The following ANKS1B variants were observed in gnomAD, a reference collection of about 807,000 sequenced individuals.
ANKS1B encodes the protein ankyrin repeat and sterile alpha motif domain-containing protein 1B.
A neutral mutation model predicts 148.3 loss-of-function variants in ANKS1B; 36 were observed. The ratio of observed to expected loss-of-function variants is 0.24; its 90% CI spans 0.19 to 0.32. The LOEUF is 0.32. ANKS1B is among the 10% of genes least tolerant of loss of function. The pLI is 1.00. For missense variants in ANKS1B, 1,157 were observed against 1,542.6 expected, an observed-to-expected ratio of 0.75 and a Z score of 4.19; for synonymous variants, 542 against 560.8, an observed-to-expected ratio of 0.97 and a Z score of 0.47.
At chr12:99,220,421 C>T (rs1028657783) in intron 14 of ANKS1B, among the ~76,000 whole-genome samples, 1 of 149,036 alleles carries the variant, frequency 6.7e-6, no homozygotes, top group Non-Finnish European at 1.5e-5. Flanking sequence ...TATAATTTGG[C>T]ATCAAGCATA....
At chr12:98,934,865 T>C (rs931205904) in intron 17 of ANKS1B, among the ~76,000 whole-genome samples, 1 of 147,246 alleles carries the variant, frequency 6.8e-6, no homozygotes, top group Admixed American at 6.8e-5. Context: ...GTTCTAACAG[T>C]TTTTTTTTTA....
At chr12:98,825,232 G>C (rs715324) in intron 19 of ANKS1B, among the ~76,000 whole-genome samples, 44,625 of 151,962 alleles carry the variant, frequency 0.29, 6,738 homozygotes, top group Non-Finnish European at 0.34. Flanking sequence ...GTATGGCTCA[G>C]CTTCTACTTC....
At chr12:99,377,102 G>A (rs1343420844) in intron 12 of ANKS1B, among the ~76,000 whole-genome samples, 1 of 151,790 alleles carries the variant, frequency 6.6e-6, no homozygotes, top group Non-Finnish European at 1.5e-5. Context: ...CCGCCTCCCA[G>A]GTTCAAGCGA....
chr12:98,795,772 A>G, intron 22 of ANKS1B: 1 of 391,114 alleles, frequency 2.6e-6, no homozygotes. Context: ...CAGTGTGGGT[A>G]GTGGAGTGGA....
chr12:98,879,394 C>G (rs983314812), intron 17 of ANKS1B, among the ~76,000 whole-genome samples: 1 of 152,206 alleles, frequency 6.6e-6, no homozygotes, highest in Admixed American at 6.5e-5. Context: ...AAAGCACACA[C>G]AGCTAATAAG....
intron 14 of ANKS1B, among the ~76,000 whole-genome samples, chr12:99,181,150 T>A: frequency 6.6e-6 from 1 of 152,210 alleles, no homozygotes. Flanking sequence ...AAACTTTGGT[T>A]AAATAAATTC....
chr12:98,739,161 G>A (rs1444154067), downstream of ANKS1B, among the ~76,000 whole-genome samples: 1 of 152,166 alleles, frequency 6.6e-6, no homozygotes. Flanking sequence ...TCTCCACTGG[G>A]TGACACTCCC....
Position 99,188,209 on chromosome 12 carries a change from C to T in ANKS1B, c.2420-33814G>A, listed in dbSNP as rs560072214. Among the ~76,000 whole-genome samples the T allele has an allele frequency of 3.9e-5, 6 of 152,206 alleles. 1 individual carries two copies. In the South Asian group the frequency reaches 8.3e-4, roughly 21 times the overall value. On this transcript the variant is annotated intron_variant, in intron 14 of 26. Coordinates refer to ENST00000683438, the MANE Select transcript of ANKS1B (RefSeq NM_001352186.2). ...GATTCATAAAGCAAGTTCTTAGAGACCTACAAAGAGACTTAGACTCCCACA... is the reference window on the plus strand; with the variant it reads ...GATTCATAAAGCAAGTTCTTAGAGATCTACAAAGAGACTTAGACTCCCACA...
intron 9 of ANKS1B, among the ~76,000 whole-genome samples, chr12:99,515,702 G>T (rs1288090939): frequency 6.6e-6 from 1 of 152,046 alleles, no homozygotes; most frequent in East Asian, 1.9e-4. Context: ...AACCAGCAAT[G>T]GGATTGCTGA....
chr12:99,630,778 G>A (rs2098150748), intron 9 of ANKS1B, among the ~76,000 whole-genome samples: 1 of 152,150 alleles, frequency 6.6e-6, no homozygotes, highest in Admixed American at 6.5e-5. Flanking sequence ...GTTGCCTTGG[G>A]ACTCTACAGC....
intron 25 of ANKS1B, among the ~76,000 whole-genome samples, chr12:98,757,779 G>A (rs962986793): frequency 1.3e-5 from 2 of 152,162 alleles, no homozygotes; most frequent in African/African-American, 4.8e-5. Flanking sequence ...TCCGACCTTG[G>A]CTCTTCCTGT....
intron 12 of ANKS1B, among the ~76,000 whole-genome samples, chr12:99,315,674 A>T (rs1027966993): frequency 3.3e-5 from 5 of 151,548 alleles, no homozygotes; most frequent in African/African-American, 1.2e-4. Context: ...CCACTATCTA[A>T]TTTTTTTTTA....
chr12:98,955,852 G>A (rs1567999074), intron 17 of ANKS1B, among the ~76,000 whole-genome samples: 1 of 152,190 alleles, frequency 6.6e-6, no homozygotes, highest in Non-Finnish European at 1.5e-5. Context: ...GAGATATTGA[G>A]GAGGCAGTTG....
chr12:99,522,163 T>G (rs2096881534), intron 9 of ANKS1B, among the ~76,000 whole-genome samples: 1 of 152,192 alleles, frequency 6.6e-6, no homozygotes, highest in Admixed American at 6.5e-5. Flanking sequence ...CTAGACTTGT[T>G]TTTGTACTTG....
intron 1 of ANKS1B, among the ~76,000 whole-genome samples, chr12:99,860,115 G>C (rs148116360): frequency 6.6e-6 from 1 of 152,288 alleles, no homozygotes; most frequent in African/African-American, 2.4e-5. Flanking sequence ...AAGTTTAGGA[G>C]AGAGATGAAA....
intron 9 of ANKS1B, among the ~76,000 whole-genome samples, chr12:99,632,506 G>C (rs1309586792): frequency 2.0e-5 from 3 of 151,680 alleles, no homozygotes; most frequent in Non-Finnish European, 4.4e-5. Flanking sequence ...TGCAATCCTA[G>C]TCGAGGAGAG....
chr12:99,454,254 AG>A (rs1666085974), intron 10 of ANKS1B, among the ~76,000 whole-genome samples: 1 of 152,236 alleles, frequency 6.6e-6, no homozygotes, highest in Admixed American at 6.5e-5. Flanking sequence ...TAGGAAAAAA[AG>A]TCAGCCACAT....
chr12:99,957,128 G>GT (rs762282273), intron 1 of ANKS1B, among the ~76,000 whole-genome samples: 30 of 152,262 alleles, frequency 2.0e-4, no homozygotes, highest in Non-Finnish European at 2.2e-4. Flanking sequence ...TACCTTAGAG[G>GT]TTTGTTGTGA....
intron 1 of ANKS1B, among the ~76,000 whole-genome samples, chr12:99,898,183 C>G (rs947414578): frequency 1.3e-5 from 2 of 152,032 alleles, no homozygotes; most frequent in African/African-American, 4.8e-5. Context: ...TATGACTACC[C>G]CGATTTTTAA....
Sources: allele counts gnomAD v4.1 joint callset (sites outside exome capture counted in the v4.1 genomes callset), GRCh38; gene constraint gnomAD v4.1.1; transcripts MANE v1.5; gene names NCBI Gene and HGNC (gene_info 2026-07-23, HGNC 2026-07-21).